Variants in CLDN15 observed in about 807,000 individuals in gnomAD.
CLDN15 encodes claudin-15.
CLDN15 carries 9 observed loss-of-function variants against 24.5 expected under a neutral mutation model. The observed-to-expected ratio is 0.37, with a 90% CI of 0.22 to 0.64. The LOEUF (loss-of-function observed/expected upper bound fraction) is 0.64, where lower values mean the gene tolerates loss of function less well. CLDN15 is among the 30% of genes least tolerant of loss of function. The probability of loss-of-function intolerance (pLI) is 0.63; values close to 1 mark genes in which losing one functional copy is unlikely to be tolerated. For synonymous variants in CLDN15, 149 were observed against 131.4 expected, an observed-to-expected ratio of 1.13 and a Z score of -0.92; for missense variants, 248 against 305.9, an observed-to-expected ratio of 0.81 and a Z score of 1.41.
At position 101,237,471 on chromosome 7, in the gene CLDN15, G is replaced by A. The variant is rs957872054; in HGVS notation, c.111C>T (p.Asn37=). ...CGAAGATGGTGTTGGTGGTGATGAC[G>A]TTCCCGTGCACAGTGGACACTCGCC... The part of the protein sequence containing the change: ...SYWRVSTVHG[N]VITTNTIFEN... The change falls in exon 1 of 5, where the codon AAC becomes AAT. Residue 37 remains asparagine (N), a synonymous_variant. Transcript: ENST00000308344. The surrounding 1 kb of genome is among the most constrained non-coding windows in gnomAD (Gnocchi z 4.0). 6.2e-6 allele frequency: 10 copies of A among 1,613,838 alleles called. No homozygotes were observed. The highest frequency in any genetic ancestry group is 1.7e-5 in the Admixed American group (1 of 59,982).
chr7:101,236,582 G>A (rs982867162), intron 1 of CLDN15, among the ~76,000 whole-genome samples: 8 of 152,200 alleles, frequency 5.3e-5, no homozygotes, highest in Non-Finnish European at 7.4e-5. Flanking sequence ...TAGGGCAGAC[G>A]GAAGGGAGAC....
chr7:101,234,330 G>C lies in CLDN15; in HGVS notation c.330C>G (p.Leu110=), dbSNP rs770101439. Residue 110 remains leucine, a synonymous_variant, in exon 2 of 5, where the codon CTC becomes CTG. Coordinates refer to ENST00000308344, the MANE Select transcript of CLDN15 (RefSeq NM_014343.3). ...TGGCCGCCAGCTTGGCTTTCCTGGA[G>C]AGCTCCAGGCCCCCAATGTTGGTGC... ...LRCTNIGGLE[L]SRKAKLAATA... 2.9e-5 allele frequency: 47 copies of C among 1,611,716 alleles called. No individual in the cohort carries two copies. The Admixed American group carries it at 7.3e-4, about 25-fold the overall frequency.
intron 1 of CLDN15, among the ~76,000 whole-genome samples, 173 bp from the exon 2 acceptor site, chr7:101,234,615 CAG>C (rs1301098045): frequency 6.6e-6 from 1 of 152,084 alleles, no homozygotes; most frequent in Non-Finnish European, 1.5e-5. Context: ...TTAGTAGAGA[CAG>C]GGTTTCACCA....
intron 2 of CLDN15, 89 bp downstream of exon 2, chr7:101,234,188 TG>T: frequency 9.6e-7 from 1 of 1,041,872 alleles, no homozygotes; most frequent in Non-Finnish European, 1.5e-6. Context: ...GCATGAGGAG[TG>T]GGAATTGGAG....
chr7:101,232,286 CCGGGGCGGGGCTACGGGAG>C lies in CLDN15; in HGVS notation c.*105_*123del, dbSNP rs1798514973. 2 of 657,238 alleles carry C rather than the reference CCGGGGCGGGGCTACGGGAG, an allele frequency of 3.0e-6. No homozygotes were observed. The highest frequency in any genetic ancestry group is 5.2e-6 in the Non-Finnish European group (2 of 384,916). The allele number at this position is 657,238 out of a possible 1,614,324, so 40.7% of individuals were successfully genotyped here. Reference sequence around the variant, plus strand: ...GAGAGTGCAAGACACGGGGCCGTGGCCGGGGCGGGGCTACGGGAGCGGGGCGTGGCCGGCCCCTGAGGTT... The same window carrying C: ...GAGAGTGCAAGACACGGGGCCGTGGCCGGGGCGTGGCCGGCCCCTGAGGTT... On this transcript the variant is annotated 3_prime_UTR_variant, in exon 5 of 5. Transcript: ENST00000308344.
At chr7:101,236,017 C>T (rs1036454178) in intron 1 of CLDN15, among the ~76,000 whole-genome samples, 1 of 152,196 alleles carries the variant, frequency 6.6e-6, no homozygotes, top group African/African-American at 2.4e-5. Flanking sequence ...TAGGCAGAAG[C>T]ACCTAGCCCA....
At chr7:101,232,803 G>A (rs745315365) in intron 3 of CLDN15, 30 bp downstream of exon 3, 6 of 1,592,674 alleles carry the variant, frequency 3.8e-6, no homozygotes, top group East Asian at 4.5e-5. Flanking sequence ...GCTGCCCCGA[G>A]GGCGGGGGGT....
chr7:101,237,598 C>A lies in CLDN15; in HGVS notation c.-17G>T. Reference sequence around the variant, plus strand: ...CATCGACATGGTGGGATGCAGGACCCTGGGGGGCTGGTGCCCCAGAGAGGG... The same window carrying A: ...CATCGACATGGTGGGATGCAGGACCATGGGGGGCTGGTGCCCCAGAGAGGG... On this transcript the variant is annotated 5_prime_UTR_variant, in exon 1 of 5. In the 5' UTR this introduces an upstream ATG that the reference lacks. Transcript: ENST00000308344. This position sits in a 1 kb window ranked among gnomAD's most constrained non-coding sequence, Gnocchi z 4.0. 6.3e-7 allele frequency: 1 copy of A among 1,599,084 alleles called. No individual in the cohort carries two copies. Among genetic ancestry groups the A allele is most frequent in the Non-Finnish European group, 8.6e-7 (1 of 1,166,844 alleles).
At chr7:101,236,441 C>T (rs1798626078) in intron 1 of CLDN15, among the ~76,000 whole-genome samples, 1 of 152,208 alleles carries the variant, frequency 6.6e-6, no homozygotes, top group Admixed American at 6.5e-5. Flanking sequence ...AGCCCCGCTT[C>T]ACAGCCAGTG....
chr7:101,232,805 GC>G (rs1798528384), intron 3 of CLDN15, 27 bp downstream of exon 3: 1 of 1,593,886 alleles, frequency 6.3e-7, no homozygotes, highest in Non-Finnish European at 8.6e-7. Context: ...TGCCCCGAGG[GC>G]GGGGGGTGGG....
chr7:101,236,840 AAGG>A, intron 1 of CLDN15: 1 of 1,289,394 alleles, frequency 7.8e-7, no homozygotes, highest in Non-Finnish European at 1.0e-6. Flanking sequence ...TCAGCCGGAC[AAGG>A]AGACCAGTGC....
chr7:101,234,541 C>T (rs1037645010), intron 1 of CLDN15, 99 bp from the exon 2 acceptor site: 118 of 809,748 alleles, frequency 1.5e-4, no homozygotes, highest in Middle Eastern at 2.4e-4. Flanking sequence ...ATTCTCCTGC[C>T]TCAGCCTCCC....
rs759019587 is a variant in CLDN15, at chr7:101,234,358, C to T, written c.302G>A (p.Arg101His). Residue 101 changes from arginine to histidine, a missense_variant, in exon 2 of 5, where the codon CGC becomes CAC. By Grantham distance (29) the Arg-to-His change is conservative. Coordinates refer to ENST00000308344, the MANE Select transcript of CLDN15 (RefSeq NM_014343.3). ...CTCCAGGCCCCCAATGTTGGTGCAG[C>T]GCAGGCCCGCTATGCCTAGCAAGAG... ...LGLLLGIAGL[R>H]CTNIGGLELS... 6.2e-6 allele frequency: 10 copies of T among 1,612,336 alleles called. No homozygotes were observed. The highest frequency in any genetic ancestry group is 5.3e-5 in the African/African-American group (4 of 74,842).
intron 2 of CLDN15, chr7:101,234,067 A>T (rs949142803): frequency 1.4e-6 from 1 of 702,262 alleles, no homozygotes; most frequent in Non-Finnish European, 2.6e-6. Context: ...GCCAGCCCCT[A>T]CTGGGAGCTC....
chr7:101,232,485 G>A lies in CLDN15; in HGVS notation c.612C>T (p.Ser204=). The A allele has an allele frequency of 6.2e-7, 1 of 1,613,380 alleles. No homozygotes were observed. Among genetic ancestry groups the A allele is most frequent in the Non-Finnish European group, 8.5e-7 (1 of 1,179,558 alleles). ...SARRPYQAPV[S]VMPVATSDQE... is the part of the protein sequence containing the mutation. ...GGTCCGAGGTGGCGACGGGCATCAC[G>A]GACACTGGAGCCTGGTAGGGCCGCC... is the stretch of plus-strand genomic sequence containing the variant. Residue 204 remains serine, a synonymous_variant, in exon 5 of 5, where the codon TCC becomes TCT. Transcript: ENST00000308344.
Position 101,232,237 on chromosome 7 carries a change from C to A in CLDN15, c.*173G>T. 1 of 576,302 alleles carries A rather than the reference C, an allele frequency of 1.7e-6. No individual in the cohort carries two copies. Among genetic ancestry groups the A allele is most frequent in the Non-Finnish European group, 3.1e-6 (1 of 324,428 alleles). The allele number at this position is 576,302 out of a possible 1,614,324, so 35.7% of individuals were successfully genotyped here. Reference sequence around the variant, plus strand: ...GGGGAGATATGCGACTTCCCAAGAGCAGTTCTTGGCCTGGAGGGGCCATGA... The same window carrying A: ...GGGGAGATATGCGACTTCCCAAGAGAAGTTCTTGGCCTGGAGGGGCCATGA... On this transcript the variant is annotated 3_prime_UTR_variant, in exon 5 of 5. Coordinates refer to ENST00000308344, the MANE Select transcript of CLDN15 (RefSeq NM_014343.3).
chr7:101,236,727 G>A, intron 1 of CLDN15: 1 of 1,290,900 alleles, frequency 7.7e-7, no homozygotes, highest in Non-Finnish European at 1.0e-6. Context: ...GAAAGACACT[G>A]TCCTGGAAGC....
At position 101,232,346 on chromosome 7, in the gene CLDN15, G is replaced by A. The variant is rs879487318; in HGVS notation, c.*64C>T. The A allele has an allele frequency of 6.2e-5, 76 of 1,228,036 alleles. No homozygotes were observed. The highest frequency in any genetic ancestry group is 8.7e-5 in the Non-Finnish European group (74 of 849,460). 76.1% of individuals were successfully genotyped at this position (1,228,036 alleles called of 1,614,324 possible). On this transcript the variant is annotated 3_prime_UTR_variant, in exon 5 of 5. Transcript: ENST00000308344. ...CCCTGAGGTTACTATAGGGGAATGG[G>A]CCCCGGCCAGGTCCCCTCTCCTTGG...
Position 101,232,166 on chromosome 7 carries a change from C to T in CLDN15, c.*244G>A. ...AAACGTGCGGGGACACCGTCCCCTTCACAGCCCAGAACCCAGGGTCAGAAG... is the reference window on the plus strand; with the variant it reads ...AAACGTGCGGGGACACCGTCCCCTTTACAGCCCAGAACCCAGGGTCAGAAG... On this transcript the variant is annotated 3_prime_UTR_variant, in exon 5 of 5. Transcript: ENST00000308344. 2.0e-6 allele frequency: 1 copy of T among 504,502 alleles called. No individual in the cohort carries two copies. The highest frequency in any genetic ancestry group is 3.5e-6 in the Non-Finnish European group (1 of 285,096). The allele number at this position is 504,502 out of a possible 1,614,324, so 31.3% of individuals were successfully genotyped here.
Sources: gnomAD v4.1 joint callset for allele counts (sites outside exome capture counted in the v4.1 genomes callset) on GRCh38, gnomAD v4.1.1 for gene constraint, Gnocchi (gnomAD v3.1) non-coding constraint, MANE v1.5 for transcripts, NCBI Gene and HGNC (gene_info 2026-07-23, HGNC 2026-07-21) for gene names.